APIP: variants seen among roughly 807,000 people sequenced by gnomAD.
The protein encoded by APIP is methylthioribulose-1-phosphate dehydratase.
In APIP, 32 loss-of-function variants were observed where a neutral mutation model predicts 32.0. That is an observed-to-expected ratio of 1.00 (90% confidence interval 0.76 to 1.34). The LOEUF (loss-of-function observed/expected upper bound fraction) is 1.34, where lower values mean the gene tolerates loss of function less well. APIP is among the 40% of genes most tolerant of loss of function. The pLI, the probability that APIP is intolerant of heterozygous loss-of-function variation, is 0.00. For missense variants in APIP, 247 were observed against 298.6 expected, an observed-to-expected ratio of 0.83 and a Z score of 1.27; for synonymous variants, 92 against 94.8, an observed-to-expected ratio of 0.97 and a Z score of 0.17.
chr11:34,892,765 G>T (rs968749448), intron 2 of APIP, among the ~76,000 whole-genome samples: 4 of 152,232 alleles, frequency 2.6e-5, no homozygotes, highest in African/African-American at 9.6e-5. Flanking sequence ...TGTTCCCAAA[G>T]AGCTTATTGT....
intron 1 of APIP, among the ~76,000 whole-genome samples, chr11:34,905,320 T>C (rs1463611388): frequency 6.6e-6 from 1 of 152,196 alleles, no homozygotes; most frequent in African/African-American, 2.4e-5. Context: ...AATTGTTGGG[T>C]CTGTCCTAAG....
chr11:34,911,453 T>C (rs74583987), intron 1 of APIP, among the ~76,000 whole-genome samples: 3,615 of 149,638 alleles, frequency 0.024, 68 homozygotes, highest in Non-Finnish European at 0.038. Context: ...TAAACGTTGG[T>C]TGCATTAACA....
rs960660835 is a variant in APIP at position 34,906,716 on chromosome 11, G to A, written c.57+9512C>T. Among the ~76,000 whole-genome samples the A allele has an allele frequency of 5.3e-5, 8 of 152,290 alleles. No individual in the cohort carries two copies. The South Asian group carries it at 6.2e-4, about 12-fold the overall frequency. On this transcript the variant is annotated intron_variant, in intron 1 of 6. Coordinates refer to ENST00000395787, the MANE Select transcript of APIP (RefSeq NM_015957.4). ...CTGGATTAACACCTCTAGTAAAGCA[G>A]AGGAAAATCTACAGCTACCTAAAGA...
At chr11:34,909,139 G>A (rs745553307) in intron 1 of APIP, among the ~76,000 whole-genome samples, 6 of 152,050 alleles carry the variant, frequency 3.9e-5, no homozygotes, top group Non-Finnish European at 7.4e-5. Context: ...AAGGACTTGG[G>A]GTGAGAAAAC....
chr11:34,916,171 G>A (rs988171497), intron 1 of APIP, 57 bp downstream of exon 1: 9 of 1,572,698 alleles, frequency 5.7e-6, no homozygotes, highest in Non-Finnish European at 6.9e-6. Context: ...CCAGCCGCCG[G>A]GTCCCGCCTG....
intron 1 of APIP, among the ~76,000 whole-genome samples, chr11:34,904,213 T>C (rs1220884996): frequency 2.0e-5 from 3 of 152,218 alleles, no homozygotes; most frequent in African/African-American, 7.2e-5. Context: ...AATAAAAATG[T>C]TAGTTAATGA....
intron 5 of APIP, among the ~76,000 whole-genome samples, chr11:34,885,998 G>A (rs1412898020): frequency 6.6e-6 from 1 of 152,156 alleles, no homozygotes; most frequent in East Asian, 1.9e-4. Context: ...TGTAATACGT[G>A]ATGATAATGA....
chr11:34,916,034 C>T (rs892579997), intron 1 of APIP, 194 bp downstream of exon 1: 15 of 695,874 alleles, frequency 2.2e-5, no homozygotes, highest in Middle Eastern at 4.1e-4. Context: ...CCCGAGACCA[C>T]TGATCTCCTG....
chr11:34,895,582 A>C (rs1363037501), intron 1 of APIP, among the ~76,000 whole-genome samples: 1 of 152,248 alleles, frequency 6.6e-6, no homozygotes, highest in African/African-American at 2.4e-5. Flanking sequence ...TATTCCAAAA[A>C]AGTCCTTTTT....
In APIP at chr11:34,916,317, C is replaced by T. The variant is rs1047160307; in HGVS notation, c.-33G>A. The T allele has an allele frequency of 4.4e-6, 7 of 1,608,554 alleles. No homozygotes were observed. Among genetic ancestry groups the T allele is most frequent in the African/African-American group, 1.3e-5 (1 of 74,842 alleles). On this transcript the variant is annotated 5_prime_UTR_variant, in exon 1 of 7. Coordinates refer to ENST00000395787, the MANE Select transcript of APIP (RefSeq NM_015957.4). ...ACCAGGGACCCGCGCGGCCTCCAAT[C>T]TCCGCACGGCTTTGCGCGCGGCGCT...
chr11:34,903,219 T>C (rs997869524), intron 1 of APIP, among the ~76,000 whole-genome samples: 1 of 152,204 alleles, frequency 6.6e-6, no homozygotes, highest in Non-Finnish European at 1.5e-5. Flanking sequence ...AGTACAGACC[T>C]ATGCAGCAAG....
rs1159338739 is a variant in APIP, at chr11:34,901,160, C to T, written c.58-6050G>A. 2.6e-5 allele frequency among the ~76,000 whole-genome samples: 4 copies of T among 152,080 alleles called. 1 individual carries two copies. The highest frequency in any genetic ancestry group is 9.7e-5 in the African/African-American group (4 of 41,326). ...GGAAAATACAGGAAAACAACAGAGG[C>T]TCTAGTAGCAGTGGTGCAAGCTTGC... is the stretch of plus-strand genomic sequence containing the variant. On this transcript the variant is annotated intron_variant, in intron 1 of 6. Coordinates refer to ENST00000395787, the MANE Select transcript of APIP (RefSeq NM_015957.4).
rs564665836 is a variant in APIP, at chr11:34,888,501, T to C, written c.326-73A>G. On this transcript the variant is annotated intron_variant, in intron 4 of 6. Transcript: ENST00000395787. Reference sequence around the variant, plus strand: ...AGCTTTTAAAGAAAAAAAGTCCATATAGTTATACTTATATTTACATATGGT... The same window carrying C: ...AGCTTTTAAAGAAAAAAAGTCCATACAGTTATACTTATATTTACATATGGT... 22 of 1,557,770 alleles carry C rather than the reference T, an allele frequency of 1.4e-5. No homozygotes were observed. The African/African-American group carries it at 2.2e-4, about 16-fold the overall frequency.
At chr11:34,899,744 T>G (rs1339454688) in intron 1 of APIP, among the ~76,000 whole-genome samples, 1 of 152,120 alleles carries the variant, frequency 6.6e-6, no homozygotes, top group Non-Finnish European at 1.5e-5. Context: ...TGCCATGGCT[T>G]GGAGGGTCAC....
chr11:34,912,622 C>A (rs1853573309), intron 1 of APIP, among the ~76,000 whole-genome samples: 1 of 152,172 alleles, frequency 6.6e-6, no homozygotes, highest in South Asian at 2.1e-4. Flanking sequence ...CAGCTGCCAG[C>A]ATGGCTAGAA....
chr11:34,901,828 G>C (rs1459664834), intron 1 of APIP, among the ~76,000 whole-genome samples: 1 of 152,124 alleles, frequency 6.6e-6, no homozygotes, highest in Non-Finnish European at 1.5e-5. Flanking sequence ...ATAACCACTA[G>C]GCCAGTCCAG....
At chr11:34,890,766 G>A in intron 2 of APIP, 1 of 398,116 alleles carries the variant, frequency 2.5e-6, no homozygotes. Context: ...TGTTGCTTTT[G>A]TCTTCTACGT....
intron 5 of APIP, among the ~76,000 whole-genome samples, chr11:34,884,297 T>C (rs1200406679): frequency 6.6e-6 from 1 of 152,202 alleles, no homozygotes; most frequent in Non-Finnish European, 1.5e-5. Context: ...AGCTAAAGTA[T>C]TCTGCAATTG....
intron 1 of APIP, among the ~76,000 whole-genome samples, chr11:34,897,529 AG>A (rs1175668981): frequency 6.6e-6 from 1 of 151,958 alleles, no homozygotes; most frequent in Non-Finnish European, 1.5e-5. Context: ...AAGGTTGGTA[AG>A]GTTTTGTTTT....
Sources: allele counts gnomAD v4.1 joint callset (sites outside exome capture counted in the v4.1 genomes callset), GRCh38; gene constraint gnomAD v4.1.1; transcripts MANE v1.5; gene names NCBI Gene and HGNC (gene_info 2026-07-23, HGNC 2026-07-21).